MBNL1: variants seen among roughly 807,000 people sequenced by gnomAD.
MBNL1 encodes the protein muscleblind like splicing regulator 1.
Under a neutral mutation model 42.2 loss-of-function variants are expected in MBNL1, and 8 were observed. The observed-to-expected ratio is 0.19, with a 90% CI of 0.11 to 0.34. The LOEUF is 0.34. Among genes scored for constraint, MBNL1 ranks in the 10% least tolerant of loss-of-function variants. The pLI is 1.00. For synonymous variants in MBNL1, 169 were observed against 173.9 expected (o/e 0.97, Z 0.22); for missense variants, 309 against 495.3 (o/e 0.62, Z 3.57).
chr3:152,292,033 C>T (rs751680696), intron 1 of MBNL1, among the ~76,000 whole-genome samples: 11 of 152,098 alleles, frequency 7.2e-5, no homozygotes, highest in Non-Finnish European at 1.6e-4. Flanking sequence ...TCTCTCAAAA[C>T]GAGTCTGGAC....
intron 2 of MBNL1, among the ~76,000 whole-genome samples, chr3:152,346,587 T>C (rs752079971): frequency 5.3e-5 from 8 of 152,144 alleles, no homozygotes; most frequent in Admixed American, 2.0e-4. Context: ...TACTTATTTG[T>C]ACCTTATATG....
intron 2 of MBNL1, among the ~76,000 whole-genome samples, chr3:152,368,333 T>G (rs1444007399): frequency 1.3e-5 from 2 of 152,162 alleles, no homozygotes; most frequent in Non-Finnish European, 2.9e-5. Flanking sequence ...ATGTGTGGTG[T>G]TATTTTTGAG....
chr3:152,251,648 T>G (rs2034555408), intron 2 of MBNL1, among the ~76,000 whole-genome samples: 1 of 152,086 alleles, frequency 6.6e-6, no homozygotes, highest in Non-Finnish European at 1.5e-5. Flanking sequence ...TTCTGACATT[T>G]CCCCATGATT....
intron 2 of MBNL1, among the ~76,000 whole-genome samples, chr3:152,371,121 T>A (rs1158664919): frequency 6.6e-6 from 1 of 152,226 alleles, no homozygotes; most frequent in Non-Finnish European, 1.5e-5. Context: ...GGTATGTTTT[T>A]GCAGTGGCTG....
chr3:152,328,640 C>T lies in MBNL1; in HGVS notation c.174+28273C>T, dbSNP rs372007630. On this transcript the variant is annotated intron_variant, in intron 2 of 9. Coordinates refer to ENST00000324210, the MANE Select transcript of MBNL1 (RefSeq NM_021038.5). ...TTTGCTAACATGCTTTATGACATTACGGAGAAGTACTAGGAAGAAGGAGAT... is the reference window on the plus strand; with the variant it reads ...TTTGCTAACATGCTTTATGACATTATGGAGAAGTACTAGGAAGAAGGAGAT... Among the ~76,000 whole-genome samples the T allele has an allele frequency of 6.8e-4, 104 of 152,158 alleles. No homozygotes were observed. In the South Asian group the frequency reaches 0.02, roughly 30 times the overall value.
At chr3:152,314,290 C>CTT (rs151238500) in intron 2 of MBNL1, among the ~76,000 whole-genome samples, 6 of 145,820 alleles carry the variant, frequency 4.1e-5, no homozygotes, top group South Asian at 4.3e-4. Context: ...TTTATCACAG[C>CTT]TTTTTTTTTT....
chr3:152,439,575 AAACTTTAGAAT>A (rs2099120610), intron 4 of MBNL1, among the ~76,000 whole-genome samples: 1 of 152,200 alleles, frequency 6.6e-6, no homozygotes, highest in South Asian at 2.1e-4. Context: ...TATCTGTAAT[AAACTTTAGAAT>A]GGCTCTTAAA....
At chr3:152,334,987 C>A in intron 2 of MBNL1, 1 of 823,692 alleles carries the variant, frequency 1.2e-6, no homozygotes. Context: ...AATGCTTTGG[C>A]TAGCATCCTG....
At chr3:152,424,247 G>A (rs559215489) in intron 3 of MBNL1, among the ~76,000 whole-genome samples, 1 of 152,152 alleles carries the variant, frequency 6.6e-6, no homozygotes, top group Non-Finnish European at 1.5e-5. Context: ...AAATCAATGT[G>A]CAAAAATCAC....
intron 8 of MBNL1, among the ~76,000 whole-genome samples, chr3:152,457,462 T>C (rs1307413437): frequency 6.6e-6 from 1 of 152,254 alleles, no homozygotes; most frequent in African/African-American, 2.4e-5. Flanking sequence ...TGTTCTATAA[T>C]ACATCACGTA....
chr3:152,435,379 G>T (rs964106692), intron 4 of MBNL1, among the ~76,000 whole-genome samples: 1 of 152,090 alleles, frequency 6.6e-6, no homozygotes, highest in African/African-American at 2.4e-5. Flanking sequence ...TGGGCTCTCT[G>T]TTCTGTTCCA....
chr3:152,444,909 C>T (rs935195762), intron 4 of MBNL1, among the ~76,000 whole-genome samples: 2 of 152,174 alleles, frequency 1.3e-5, no homozygotes, highest in Non-Finnish European at 2.9e-5. Flanking sequence ...AATAGATACA[C>T]AACATCATTA....
chr3:152,408,758 C>T (rs1324736360), intron 2 of MBNL1, among the ~76,000 whole-genome samples: 2 of 151,838 alleles, frequency 1.3e-5, no homozygotes, highest in Non-Finnish European at 2.9e-5. Context: ...GTGATGCTGT[C>T]CTCCCTCCTC....
chr3:152,286,608 G>A (rs1176092024), intron 1 of MBNL1, among the ~76,000 whole-genome samples: 3 of 142,190 alleles, frequency 2.1e-5, no homozygotes, highest in Non-Finnish European at 4.5e-5. Flanking sequence ...GGTTGAATAG[G>A]TTCCTTGTTT....
chr3:152,332,692 TTGTGTGTGTGTGTGTGTGTGTGTGTG>T (rs71144115), intron 2 of MBNL1, among the ~76,000 whole-genome samples: 6 of 132,926 alleles, frequency 4.5e-5, no homozygotes, highest in East Asian at 2.2e-4. Flanking sequence ...TTTCATGGTT[TTGTGTGTGTGTGTGTGTGTGTGTGTG>T]TGTGTGTGTG....
chr3:152,304,596 A>G (rs780288790), intron 2 of MBNL1, among the ~76,000 whole-genome samples: 95 of 152,196 alleles, frequency 6.2e-4, no homozygotes, highest in African/African-American at 2.2e-3. Flanking sequence ...CATATATTCA[A>G]TGTGTCTTTC....
chr3:152,403,679 ACAGGCT>A (rs1222327539), intron 2 of MBNL1, among the ~76,000 whole-genome samples: 1 of 152,054 alleles, frequency 6.6e-6, no homozygotes, highest in Non-Finnish European at 1.5e-5. Context: ...AGAGGAGGAG[ACAGGCT>A]CAGATAACCT....
intron 2 of MBNL1, among the ~76,000 whole-genome samples, chr3:152,412,751 G>A (rs201088337): frequency 6.6e-6 from 1 of 151,158 alleles, no homozygotes; most frequent in East Asian, 1.9e-4. Flanking sequence ...GGAAGGTACT[G>A]GAATGAAGTG....
intron 2 of MBNL1, among the ~76,000 whole-genome samples, chr3:152,257,276 G>C (rs2035582138): frequency 6.6e-6 from 1 of 152,110 alleles, no homozygotes; most frequent in African/African-American, 2.4e-5. Context: ...AAGTATGAGA[G>C]CATTCGATTT....
Sources: gnomAD v4.1 joint callset for allele counts (sites outside exome capture counted in the v4.1 genomes callset) on GRCh38, gnomAD v4.1.1 for gene constraint, MANE v1.5 for transcripts, NCBI Gene and HGNC (gene_info 2026-07-23, HGNC 2026-07-21) for gene names.